CSMD1: variants seen among roughly 807,000 people sequenced by gnomAD.
CSMD1 encodes the protein CUB and Sushi multiple domains 1, also known as CUB and sushi domain-containing protein 1.
Under a neutral mutation model 417.5 loss-of-function variants are expected in CSMD1, and 213 were observed. The observed-to-expected ratio is 0.51, with a 90% confidence interval of 0.46 to 0.57. CSMD1 has a LOEUF of 0.57. CSMD1 is among the 20% of genes least tolerant of loss of function. The pLI is 0.00. For synonymous variants in CSMD1, 2,862 were observed against 1,736.8 expected (o/e 1.65, Z -16.11); for missense variants, 6,923 against 4,529.7 (o/e 1.53, Z -15.17).
In CSMD1 at chr8:4,179,929, A is replaced by C. The variant is rs375575646; in HGVS notation, c.416-147830T>G. Among the ~76,000 whole-genome samples the C allele has an allele frequency of 2.0e-3, 307 of 152,168 alleles. 3 individuals are homozygous for C. The East Asian group carries it at 0.049, about 24-fold the overall frequency. On this transcript the variant is annotated intron_variant, in intron 3 of 69. Coordinates refer to ENST00000635120, the MANE Select transcript of CSMD1 (RefSeq NM_033225.6). ...CGATCATTAAAAAGTCAGGAAACAA[A>C]AGGTGCTGGAGAGGATGTGGAGAAA...
rs534713129 is a variant in CSMD1, at chr8:4,311,198, G to C, written c.415+108755C>G. 2.6e-4 allele frequency among the ~76,000 whole-genome samples: 39 copies of C among 152,134 alleles called. 1 individual carries two copies. The highest frequency in any genetic ancestry group is 4.7e-4 in the Non-Finnish European group (32 of 68,028). ...CATTCCACCATAAAGACACATGCAC[G>C]TGAATGTTCATTATAGCACCGTTCA... On this transcript the variant is annotated intron_variant, in intron 3 of 69. Transcript: ENST00000635120.
At chr8:4,422,866 G>T (rs1797327903) in intron 2 of CSMD1, among the ~76,000 whole-genome samples, 1 of 151,936 alleles carries the variant, frequency 6.6e-6, no homozygotes, top group South Asian at 2.1e-4. Flanking sequence ...TGTTAGAAAG[G>T]TCCAATCTTT....
chr8:4,873,413 A>G (rs1285565467), intron 1 of CSMD1, among the ~76,000 whole-genome samples: 2 of 152,138 alleles, frequency 1.3e-5, no homozygotes, highest in Non-Finnish European at 2.9e-5. Context: ...CAGGAAATCA[A>G]CTAAGACTCT....
intron 1 of CSMD1, among the ~76,000 whole-genome samples, chr8:4,968,364 T>G (rs1400471152): frequency 3.3e-5 from 5 of 151,914 alleles, no homozygotes; most frequent in Non-Finnish European, 5.9e-5. Flanking sequence ...CGTCCAAAAC[T>G]TTTTCCTTAC....
chr8:4,435,715 G>T (rs563146995), intron 2 of CSMD1, among the ~76,000 whole-genome samples: 1 of 152,272 alleles, frequency 6.6e-6, no homozygotes, highest in African/African-American at 2.4e-5. Flanking sequence ...GTGTGGGGCT[G>T]TGGCTGCCTT....
chr8:4,395,863 A>C (rs2128926070), intron 3 of CSMD1, among the ~76,000 whole-genome samples: 1 of 152,342 alleles, frequency 6.6e-6, no homozygotes, highest in South Asian at 2.1e-4. Flanking sequence ...AAACCATTAC[A>C]GTCTTTAATT....
chr8:4,164,306 A>C (rs906280071), intron 3 of CSMD1, among the ~76,000 whole-genome samples: 2 of 152,204 alleles, frequency 1.3e-5, no homozygotes, highest in African/African-American at 4.8e-5. Flanking sequence ...TAAATATAGA[A>C]TCCATCTACA....
intron 3 of CSMD1, among the ~76,000 whole-genome samples, chr8:4,271,483 A>T (rs1019779136): frequency 1.3e-5 from 2 of 152,144 alleles, no homozygotes; most frequent in Non-Finnish European, 2.9e-5. Flanking sequence ...TACATTTTTC[A>T]TAGAGAAAAA....
At chr8:4,203,394 G>T (rs963725149) in intron 3 of CSMD1, among the ~76,000 whole-genome samples, 1 of 152,114 alleles carries the variant, frequency 6.6e-6, no homozygotes, top group Non-Finnish European at 1.5e-5. Flanking sequence ...GATCTTTGTG[G>T]TTTCTATGCC....
intron 5 of CSMD1, among the ~76,000 whole-genome samples, chr8:3,961,698 A>C (rs1303310435): frequency 6.6e-6 from 1 of 152,230 alleles, no homozygotes; most frequent in Admixed American, 6.5e-5. Flanking sequence ...AAAAAGAAAA[A>C]GATTGCTGCG....
chr8:3,800,027 T>G (rs139456771), intron 5 of CSMD1, among the ~76,000 whole-genome samples: 20 of 152,332 alleles, frequency 1.3e-4, no homozygotes, highest in Middle Eastern at 6.8e-3. Context: ...ACTTGACTTT[T>G]GAACCTCAAT....
At chr8:3,742,975 C>G (rs1796888290) in intron 6 of CSMD1, among the ~76,000 whole-genome samples, 1 of 152,192 alleles carries the variant, frequency 6.6e-6, no homozygotes, top group South Asian at 2.1e-4. Flanking sequence ...ACAGACTACA[C>G]AACTAGTGGA....
chr8:3,539,875 A>G (rs951558324), intron 10 of CSMD1, among the ~76,000 whole-genome samples: 2 of 152,202 alleles, frequency 1.3e-5, no homozygotes, highest in African/African-American at 2.4e-5. Flanking sequence ...GACCAAACGA[A>G]CTTAGAAAAC....
At chr8:3,251,696 G>A (rs1800276021) in intron 26 of CSMD1, among the ~76,000 whole-genome samples, 1 of 152,180 alleles carries the variant, frequency 6.6e-6, no homozygotes, top group African/African-American at 2.4e-5. Context: ...CTACCCATGA[G>A]CATGGAATGT....
intron 6 of CSMD1, among the ~76,000 whole-genome samples, chr8:3,719,026 T>C (rs1801994674): frequency 6.6e-6 from 1 of 152,064 alleles, no homozygotes; most frequent in Non-Finnish European, 1.5e-5. Context: ...GAAACAACAT[T>C]CTTCCTGCAC....
intron 5 of CSMD1, among the ~76,000 whole-genome samples, chr8:3,806,010 G>A (rs551806905): frequency 6.6e-6 from 1 of 152,288 alleles, no homozygotes; most frequent in African/African-American, 2.4e-5. Context: ...AACTGGGGGA[G>A]ACCTGGAGCA....
At position 4,253,462 on chromosome 8, in the gene CSMD1, C is replaced by A. The variant is rs568767105; in HGVS notation, c.415+166491G>T. Reference sequence around the variant, plus strand: ...GAACACCATATCAGGACCTAATAAACATTTGTTGTTTAAGTTCTTACTATG... The same window carrying A: ...GAACACCATATCAGGACCTAATAAAAATTTGTTGTTTAAGTTCTTACTATG... On this transcript the variant is annotated intron_variant, in intron 3 of 69. Coordinates refer to ENST00000635120, the MANE Select transcript of CSMD1 (RefSeq NM_033225.6). Among the ~76,000 whole-genome samples the A allele has an allele frequency of 1.5e-4, 23 of 152,092 alleles. No homozygotes were observed. In the South Asian group the frequency reaches 4.6e-3, roughly 30 times the overall value.
At chr8:4,500,118 A>G (rs568096713) in intron 2 of CSMD1, among the ~76,000 whole-genome samples, 10 of 152,012 alleles carry the variant, frequency 6.6e-5, no homozygotes, top group African/African-American at 2.4e-4. Context: ...GGCTGGGAGA[A>G]TACAATGTCT....
chr8:3,374,626 G>A (rs1045688515), intron 18 of CSMD1, among the ~76,000 whole-genome samples: 1 of 152,176 alleles, frequency 6.6e-6, no homozygotes, highest in African/African-American at 2.4e-5. Flanking sequence ...CTCCCAGGAT[G>A]GTGAGTATGG....
Sources: allele counts gnomAD v4.1 joint callset (sites outside exome capture counted in the v4.1 genomes callset), GRCh38; gene constraint gnomAD v4.1.1; transcripts MANE v1.5; gene names NCBI Gene and HGNC (gene_info 2026-07-23, HGNC 2026-07-21).